ASXL1: variants seen among roughly 807,000 people sequenced by gnomAD.
ASXL1 encodes the protein ASXL transcriptional regulator 1.
ASXL1 carries 65 observed loss-of-function variants against 89.1 expected under a neutral mutation model. The ratio of observed to expected loss-of-function variants is 0.73; its 90% CI spans 0.60 to 0.90. The LOEUF (loss-of-function observed/expected upper bound fraction) is 0.90. Ranked by LOEUF, ASXL1 falls within the 40% of genes least tolerant of loss-of-function variation. The pLI, the probability that ASXL1 is intolerant of heterozygous loss-of-function variation, is 0.00. For synonymous variants in ASXL1, 739 were observed against 746.9 expected (o/e 0.99, Z 0.17); for missense variants, 1,786 against 1,942.9 (o/e 0.92, Z 1.52).
At chr20:32,405,203 C>G (rs1470137983) in intron 4 of ASXL1, among the ~76,000 whole-genome samples, 1 of 152,028 alleles carries the variant, frequency 6.6e-6, no homozygotes, top group Non-Finnish European at 1.5e-5. Context: ...ATAGCTCACT[C>G]CAGGGCATAA....
chr20:32,428,282 A>G, intron 5 of ASXL1, 34 bp downstream of exon 5: 1 of 1,614,222 alleles, frequency 6.2e-7, no homozygotes, highest in African/African-American at 1.3e-5. Context: ...TGAGGGAGCC[A>G]CAGCAGGCAC....
intron 4 of ASXL1, among the ~76,000 whole-genome samples, chr20:32,420,866 C>A (rs531558710): frequency 3.0e-4 from 45 of 151,964 alleles, no homozygotes; most frequent in Non-Finnish European, 5.7e-4. Flanking sequence ...CCAATAAGCA[C>A]ATTAAGAAGT....
rs1386308534 is a variant in ASXL1 at position 32,435,078 on chromosome 20, G to A, written c.2366G>A (p.Cys789Tyr). The change falls in exon 13 of 13, where the codon TGT (cysteine) becomes TAT (tyrosine). Residue 789 changes from cysteine to tyrosine, a missense_variant. Physicochemically the swap from Cys to Tyr is radical, Grantham distance 194. This residue lies in a region of ASXL1 where 1,418 missense variants were observed against 1,427.8 expected (regional missense o/e 0.99). Coordinates refer to ENST00000375687, the MANE Select transcript of ASXL1 (RefSeq NM_015338.6). Reference sequence around the variant, plus strand: ...TTGCATCCGGATGTTAGAACTGAATGTGAGTCTGGCACCACTTCCTGGGAA... The same window carrying A: ...TTGCATCCGGATGTTAGAACTGAATATGAGTCTGGCACCACTTCCTGGGAA... ...PQLHPDVRTE[C>Y]ESGTTSWESD... The A allele has an allele frequency of 6.2e-7, 1 of 1,614,088 alleles. No individual in the cohort carries two copies. Among genetic ancestry groups the A allele is most frequent in the Admixed American group, 1.7e-5 (1 of 60,030 alleles).
At chr20:32,418,113 G>C (rs2049169305) in intron 4 of ASXL1, among the ~76,000 whole-genome samples, 1 of 152,144 alleles carries the variant, frequency 6.6e-6, no homozygotes, top group Non-Finnish European at 1.5e-5. Context: ...GGGAGGCAGA[G>C]ATTGCAGTGA....
At chr20:32,365,961 C>G (rs1019922192) in intron 1 of ASXL1, among the ~76,000 whole-genome samples, 8 of 152,032 alleles carry the variant, frequency 5.3e-5, no homozygotes, top group South Asian at 2.1e-4. Context: ...CTAGTCTCTA[C>G]TAAAATACAA....
At chr20:32,430,560 C>T (rs4911093) in intron 8 of ASXL1, 76,826 of 216,936 alleles carry the variant, frequency 0.35, 15,801 homozygotes, top group East Asian at 0.69. Context: ...CCCCACCCCA[C>T]CCCCATTAGG....
intron 4 of ASXL1, chr20:32,372,504 C>T: frequency 1.4e-6 from 1 of 723,454 alleles, no homozygotes; most frequent in Non-Finnish European, 1.7e-6. Flanking sequence ...TAATTACCCA[C>T]AGTACTAGGT....
At position 32,435,712 on chromosome 20, in the gene ASXL1, T is replaced by C. The variant is rs2145376410; in HGVS notation, c.3000T>C (p.Asp1000=). The C allele has an allele frequency of 3.1e-6, 5 of 1,614,184 alleles. No homozygotes were observed. The highest frequency in any genetic ancestry group is 4.2e-6 in the Non-Finnish European group (5 of 1,180,048). ...EALSPHGEST[D]TASDFEGHLT... ...TGAGTCCTCACGGTGAGTCCACGGA[T>C]ACAGCCTCTGACTTTGAAGGTCACC... The change falls in exon 13 of 13, where the codon GAT becomes GAC. Residue 1000 remains aspartate, a synonymous_variant. Coordinates refer to ENST00000375687, the MANE Select transcript of ASXL1 (RefSeq NM_015338.6).
intron 4 of ASXL1, among the ~76,000 whole-genome samples, chr20:32,419,683 CTTT>C (rs1284686802): frequency 2.2e-5 from 3 of 135,554 alleles, no homozygotes; most frequent in African/African-American, 2.7e-5. Context: ...GATATATTTT[CTTT>C]TTTTTTTTTT....
chr20:32,433,969 G>C (rs758483121), intron 12 of ASXL1, 52 bp downstream of exon 12: 1 of 1,603,500 alleles, frequency 6.2e-7, no homozygotes, highest in South Asian at 1.1e-5. Flanking sequence ...TTCTTTGAGG[G>C]TCATGAGATT....
intron 4 of ASXL1, among the ~76,000 whole-genome samples, chr20:32,410,269 G>A (rs1352248312): frequency 6.6e-6 from 1 of 152,066 alleles, no homozygotes; most frequent in Non-Finnish European, 1.5e-5. Flanking sequence ...TTTTTCCTAT[G>A]CATATGTACT....
rs947430664 is a variant in ASXL1, at chr20:32,437,700, C to T, written c.*362C>T. 4.2e-5 allele frequency: 15 copies of T among 359,266 alleles called. No homozygotes were observed. The Admixed American group carries it at 6.5e-4, about 15-fold the overall frequency. 22.3% of individuals were successfully genotyped at this position (359,266 alleles called of 1,614,324 possible). On this transcript the variant is annotated 3_prime_UTR_variant, in exon 13 of 13. Coordinates refer to ENST00000375687, the MANE Select transcript of ASXL1 (RefSeq NM_015338.6). ...ATTCTCCACCAAGGGAGTTAACCTA[C>T]CTGAACTAAGTAGAAATGCCAGTCT... is the stretch of plus-strand genomic sequence containing the variant.
At chr20:32,404,617 T>C (rs2048925443) in intron 4 of ASXL1, among the ~76,000 whole-genome samples, 1 of 152,200 alleles carries the variant, frequency 6.6e-6, no homozygotes, top group Admixed American at 6.5e-5. Context: ...CTTTCTGATA[T>C]GTGTACCTTT....
At chr20:32,359,918 C>G (rs2048082535) in intron 1 of ASXL1, 1 of 704,546 alleles carries the variant, frequency 1.4e-6, no homozygotes, top group African/African-American at 1.8e-5. Context: ...ATCTGTCACA[C>G]AGCGAGGTTG....
chr20:32,387,173 G>T (rs900563627), intron 4 of ASXL1, among the ~76,000 whole-genome samples: 1 of 151,994 alleles, frequency 6.6e-6, no homozygotes, highest in African/African-American at 2.4e-5. Flanking sequence ...GGGCATGGTT[G>T]TGCACCCCCA....
At chr20:32,366,843 T>C (rs2048212517) in intron 2 of ASXL1, among the ~76,000 whole-genome samples, 2 of 152,176 alleles carry the variant, frequency 1.3e-5, no homozygotes, top group South Asian at 4.1e-4. Context: ...TGAAGTTCTT[T>C]CTTTTAGAAT....
chr20:32,387,263 A>C (rs925735505), intron 4 of ASXL1, among the ~76,000 whole-genome samples: 1 of 152,206 alleles, frequency 6.6e-6, no homozygotes, highest in African/African-American at 2.4e-5. Context: ...AGACTGAGAC[A>C]GAGCAAGACC....
intron 1 of ASXL1, among the ~76,000 whole-genome samples, chr20:32,361,337 C>T (rs1555899765): frequency 6.6e-6 from 1 of 151,552 alleles, no homozygotes; most frequent in Non-Finnish European, 1.5e-5. Context: ...GAGGGAGACC[C>T]TGACTCTAAA....
rs1362355288 is a variant in ASXL1 at position 32,438,450 on chromosome 20, C to T, written c.*1112C>T. The T allele has an allele frequency of 4.3e-6, 1 of 233,446 alleles. No individual in the cohort carries two copies. Among genetic ancestry groups the T allele is most frequent in the African/African-American group, 2.2e-5 (1 of 45,338 alleles). The allele number at this position is 233,446 out of a possible 1,614,324, so 14.5% of individuals were successfully genotyped here. A position where few individuals can be genotyped will look rare whatever the true frequency, so the allele number is the denominator to read the frequency against. On this transcript the variant is annotated 3_prime_UTR_variant, in exon 13 of 13. Coordinates refer to ENST00000375687, the MANE Select transcript of ASXL1 (RefSeq NM_015338.6). The stretch of plus-strand genomic sequence containing the variant: ...GTCAGAGCCACTGAGTGCTGTGCTG[C>T]TCGACGTGAGGGTGAAATGATTGAC...
Sources: gnomAD v4.1 joint callset for allele counts (sites outside exome capture counted in the v4.1 genomes callset) on GRCh38, gnomAD v4.1.1 for gene constraint, gnomAD v4.1.1 regional missense constraint, MANE v1.5 for transcripts, NCBI Gene and HGNC (gene_info 2026-07-23, HGNC 2026-07-21) for gene names.